The following SH2B2 variants were observed in gnomAD, a reference collection of about 807,000 sequenced individuals.
SH2B2 encodes the protein SH2B adaptor protein 2, also known as SH2B adapter protein 2.
SH2B2 carries 37 observed loss-of-function variants against 35.7 expected under a neutral mutation model. The ratio of observed to expected loss-of-function variants is 1.04; its 90% CI spans 0.80 to 1.36. The LOEUF is 1.36. SH2B2 is among the 40% of genes most tolerant of loss of function. SH2B2 has a pLI of 0.00. For synonymous variants in SH2B2, 383 were observed against 376.4 expected, an observed-to-expected ratio of 1.02 and a Z score of -0.20; for missense variants, 852 against 817.7, an observed-to-expected ratio of 1.04 and a Z score of -0.51.
intron 1 of SH2B2, among the ~76,000 whole-genome samples, chr7:102,296,483 T>A (rs1478644304): frequency 1.3e-5 from 2 of 152,210 alleles, no homozygotes; most frequent in African/African-American, 4.8e-5. Context: ...CACCGCACTT[T>A]ATCACTATTG....
rs186046759 is a variant in SH2B2, at chr7:102,292,744, T to C, written c.-30+5650T>C. Reference sequence around the variant, plus strand: ...CAGTTTCCCCATAGCGAATGGTTCATTGGGGGGTAGGTGGCACTGCCCACC... The same window carrying C: ...CAGTTTCCCCATAGCGAATGGTTCACTGGGGGGTAGGTGGCACTGCCCACC... On this transcript the variant is annotated intron_variant, in intron 1 of 8. Coordinates refer to ENST00000444095, the MANE Select transcript of SH2B2 (RefSeq NM_001359228.2). Among the ~76,000 whole-genome samples the C allele has an allele frequency of 3.0e-4, 45 of 152,192 alleles. 1 individual carries two copies. The highest frequency in any genetic ancestry group is 2.6e-3 in the Admixed American group (39 of 15,280).
Position 102,297,208 on chromosome 7 carries a change from G to A in SH2B2, c.-29-3314G>A, listed in dbSNP as rs952345556. Among the ~76,000 whole-genome samples, 1 of 151,984 alleles carries A rather than the reference G, an allele frequency of 6.6e-6. No individual in the cohort carries two copies. The highest frequency in any genetic ancestry group is 2.4e-5 in the African/African-American group (1 of 41,342). On this transcript the variant is annotated intron_variant, in intron 1 of 8. Transcript: ENST00000444095. The surrounding 1 kb of genome is among the most constrained non-coding windows in gnomAD (Gnocchi z 4.3). Reference sequence around the variant, plus strand: ...AATTATCCCTTTGTCTGGCATATCCGCACTCTGGATACGACCCGCTCGCCA... The same window carrying A: ...AATTATCCCTTTGTCTGGCATATCCACACTCTGGATACGACCCGCTCGCCA...
intron 1 of SH2B2, among the ~76,000 whole-genome samples, chr7:102,295,343 T>A (rs1013157833): frequency 2.0e-5 from 3 of 152,160 alleles, no homozygotes; most frequent in Admixed American, 2.0e-4. Context: ...TCAGGAGCAC[T>A]AGCCTACTGG....
intron 1 of SH2B2, among the ~76,000 whole-genome samples, chr7:102,298,198 G>A (rs539068375): frequency 1.3e-5 from 2 of 152,272 alleles, no homozygotes; most frequent in South Asian, 2.1e-4. Flanking sequence ...ACTGTAATAC[G>A]AACCACTGCA....
intron 6 of SH2B2, among the ~76,000 whole-genome samples, chr7:102,314,989 G>A (rs1793766328): frequency 6.6e-6 from 1 of 152,046 alleles, no homozygotes; most frequent in South Asian, 2.1e-4. Context: ...AGGAGTTTGA[G>A]ACCAGCCTGG....
intron 3 of SH2B2, among the ~76,000 whole-genome samples, chr7:102,307,419 C>T (rs888541375): frequency 1.3e-5 from 2 of 152,170 alleles, no homozygotes; most frequent in Non-Finnish European, 2.9e-5. Context: ...GCAATGTCCC[C>T]GGGGAGGCCT....
At chr7:102,308,705 C>T (rs541932760) in intron 3 of SH2B2, 110 bp from the exon 4 acceptor site, 1 of 806,686 alleles carries the variant, frequency 1.2e-6, no homozygotes, top group East Asian at 2.4e-5. Flanking sequence ...CCCTTGAGCC[C>T]TGCTGTGGGA....
At chr7:102,306,293 T>G (rs1410772871) in intron 2 of SH2B2, among the ~76,000 whole-genome samples, 1 of 151,912 alleles carries the variant, frequency 6.6e-6, no homozygotes, top group Admixed American at 6.6e-5. Context: ...TTCTCCATGT[T>G]GGTCAGGCTG....
chr7:102,314,967 T>A (rs1309352876), intron 6 of SH2B2, among the ~76,000 whole-genome samples: 1 of 151,540 alleles, frequency 6.6e-6, no homozygotes, highest in Non-Finnish European at 1.5e-5. Flanking sequence ...GGCGGGCGGA[T>A]CACCTGAGGT....
intron 2 of SH2B2, among the ~76,000 whole-genome samples, chr7:102,305,892 TC>T (rs375047674): frequency 5.6e-5 from 8 of 142,568 alleles, no homozygotes; most frequent in Non-Finnish European, 1.0e-4. Flanking sequence ...TTTTTTTTTT[TC>T]TTTTTTTTTT....
chr7:102,321,566 A>G lies in SH2B2; in HGVS notation c.1835A>G (p.Glu612Gly). The G allele has an allele frequency of 1.7e-6, 2 of 1,156,838 alleles. No individual in the cohort carries two copies. The highest frequency in any genetic ancestry group is 2.1e-6 in the Non-Finnish European group (2 of 941,358). The allele number at this position is 1,156,838 out of a possible 1,614,324, so 71.7% of individuals were successfully genotyped here. A position where few individuals can be genotyped will look rare whatever the true frequency, so the allele number is the denominator to read the frequency against. ...GAGGCCGTGGCCGCCACCGCCGCCG[A>G]GGAGCCCCCGGAGGCCGCGCCCGGC... ...LLEAVAATAA[E>G]EPPEAAPGRA... Residue 612 changes from glutamate to glycine, a missense_variant, in exon 9 of 9, where the codon GAG becomes GGG. Glu to Gly is a moderately conservative substitution (Grantham distance 98). Transcript: ENST00000444095.
In SH2B2 at chr7:102,301,589, CGT is replaced by C. The variant is rs1159497415; in HGVS notation, c.729+321_729+322del. On this transcript the variant is annotated intron_variant, in intron 2 of 8. Transcript: ENST00000444095. Reference sequence around the variant, plus strand: ...GTGTGTGTGTGTGTGTGTGCGCGCGCGTGTGTGTGTGTCCCTCTGTCACCCAG... The same window carrying C: ...GTGTGTGTGTGTGTGTGTGCGCGCGCGTGTGTGTGTCCCTCTGTCACCCAG... Among the ~76,000 whole-genome samples, 200 of 150,050 alleles carry C rather than the reference CGT, an allele frequency of 1.3e-3. 2 individuals carry two copies. Among genetic ancestry groups the C allele is most frequent in the African/African-American group, 4.9e-3 (196 of 40,384 alleles).
At chr7:102,287,631 G>A (rs1792507350) in intron 1 of SH2B2, among the ~76,000 whole-genome samples, 1 of 152,160 alleles carries the variant, frequency 6.6e-6, no homozygotes, top group Non-Finnish European at 1.5e-5. Context: ...CGGAGCCCCC[G>A]ATTGCCGGGA....
chr7:102,315,843 A>C (rs1793810930), intron 6 of SH2B2, among the ~76,000 whole-genome samples: 1 of 151,796 alleles, frequency 6.6e-6, no homozygotes, highest in Admixed American at 6.6e-5. Flanking sequence ...GGTTGGAATC[A>C]GGGATTGGGA....
chr7:102,320,221 C>T, intron 7 of SH2B2, 110 bp from the exon 8 acceptor site: 1 of 906,710 alleles, frequency 1.1e-6, no homozygotes, highest in Admixed American at 2.2e-5. Context: ...GGCCCTGACA[C>T]AGCCCCATAC....
chr7:102,295,442 G>GCCA (rs1792866106), intron 1 of SH2B2, among the ~76,000 whole-genome samples: 2 of 152,206 alleles, frequency 1.3e-5, no homozygotes, highest in Non-Finnish European at 2.9e-5. Flanking sequence ...ACCCCTGCAG[G>GCCA]TCATGGCCTG....
intron 6 of SH2B2, among the ~76,000 whole-genome samples, chr7:102,316,899 A>G (rs1370424633): frequency 2.0e-5 from 3 of 151,774 alleles, no homozygotes; most frequent in Non-Finnish European, 4.4e-5. Context: ...GGCGCCTGTA[A>G]TCCCAGCTAC....
At chr7:102,311,427 A>G (rs4729782) in intron 4 of SH2B2, among the ~76,000 whole-genome samples, 54,334 of 151,682 alleles carry the variant, frequency 0.36, 9,727 homozygotes, top group Middle Eastern at 0.44. Flanking sequence ...GCTAATTTTT[A>G]TATTTTTAGC....
chr7:102,315,547 T>C (rs1310246215), intron 6 of SH2B2, among the ~76,000 whole-genome samples: 1 of 151,728 alleles, frequency 6.6e-6, no homozygotes, highest in Non-Finnish European at 1.5e-5. Flanking sequence ...CAGGCTGATC[T>C]TGAACTCCTG....
Sources: allele counts gnomAD v4.1 joint callset (sites outside exome capture counted in the v4.1 genomes callset), GRCh38; gene constraint gnomAD v4.1.1; non-coding constraint Gnocchi (gnomAD v3.1); transcripts MANE v1.5; gene names NCBI Gene and HGNC (gene_info 2026-07-23, HGNC 2026-07-21).